Variants in ADAMTS19 observed in about 807,000 individuals in gnomAD.
ADAMTS19 encodes A disintegrin and metalloproteinase with thrombospondin motifs 19.
A neutral mutation model predicts 153.3 loss-of-function variants in ADAMTS19; 93 were observed. The observed-to-expected ratio is 0.61, with a 90% CI of 0.51 to 0.72. ADAMTS19 has a LOEUF of 0.72. Among genes scored for constraint, ADAMTS19 ranks in the 30% least tolerant of loss-of-function variants. The pLI is 0.00. For synonymous variants in ADAMTS19, 600 were observed against 556.6 expected, an observed-to-expected ratio of 1.08 and a Z score of -1.10; for missense variants, 1,482 against 1,552.1, an observed-to-expected ratio of 0.95 and a Z score of 0.76.
intron 10 of ADAMTS19, among the ~76,000 whole-genome samples, chr5:129,639,997 T>C (rs1752721966): frequency 6.6e-6 from 1 of 152,196 alleles, no homozygotes; most frequent in Non-Finnish European, 1.5e-5. Context: ...CAATATGATT[T>C]ATAGGCATTC....
chr5:129,571,528 G>T (rs765407095), intron 7 of ADAMTS19, among the ~76,000 whole-genome samples: 3 of 151,552 alleles, frequency 2.0e-5, no homozygotes, highest in African/African-American at 4.8e-5. Context: ...AGCAATAAAA[G>T]ATCTAAATAA....
intron 8 of ADAMTS19, among the ~76,000 whole-genome samples, chr5:129,615,702 G>T (rs1304806493): frequency 6.6e-6 from 1 of 151,916 alleles, no homozygotes; most frequent in East Asian, 1.9e-4. Flanking sequence ...GGACAATCAG[G>T]CAGACAGTAC....
chr5:129,575,198 T>C (rs888236760), intron 7 of ADAMTS19, among the ~76,000 whole-genome samples: 6 of 152,042 alleles, frequency 3.9e-5, no homozygotes, highest in African/African-American at 1.4e-4. Flanking sequence ...TGTAAAAATA[T>C]TGTGTCCAAC....
chr5:129,518,485 A>T (rs934264043), intron 3 of ADAMTS19, among the ~76,000 whole-genome samples: 4 of 151,360 alleles, frequency 2.6e-5, no homozygotes, highest in African/African-American at 4.9e-5. Flanking sequence ...TCAAGGGGAA[A>T]TTTTTTTTTA....
chr5:129,710,943 A>C (rs1450059586), intron 21 of ADAMTS19, among the ~76,000 whole-genome samples: 1 of 152,202 alleles, frequency 6.6e-6, no homozygotes, highest in African/African-American at 2.4e-5. Context: ...CAAAAATTTT[A>C]AAGGGGGATT....
chr5:129,684,204 A>G lies in ADAMTS19; in HGVS notation c.2749A>G (p.Lys917Glu). 1 of 1,614,212 alleles carries G rather than the reference A, an allele frequency of 6.2e-7. No homozygotes were observed. Among genetic ancestry groups the G allele is most frequent in the Non-Finnish European group, 8.5e-7 (1 of 1,180,042 alleles). Reference sequence around the variant, plus strand: ...CCCTCTTCCAGAAAACCAGAGCTCTAAAGCACCTGAGCCCCTCTTCATGTG... The same window carrying G: ...CCCTCTTCCAGAAAACCAGAGCTCTGAAGCACCTGAGCCCCTCTTCATGTG... The part of the protein sequence containing the change: ...SDPLPENQSS[K>E]APEPLFMWTH... The change falls in exon 18 of 23, where the codon AAA becomes GAA. Residue 917 changes from lysine to glutamate, a missense_variant. Lys to Glu is a moderately conservative substitution (Grantham distance 56). Around this residue, in one of 2 missense-constraint regions of ADAMTS19, gnomAD observed 616 missense variants for 724.4 expected, o/e 0.85. Coordinates refer to ENST00000274487, the MANE Select transcript of ADAMTS19 (RefSeq NM_133638.6).
intron 14 of ADAMTS19, among the ~76,000 whole-genome samples, chr5:129,658,369 G>GAAAGAA (rs1478464484): frequency 2.0e-5 from 3 of 150,302 alleles, no homozygotes; most frequent in African/African-American, 7.4e-5. Context: ...AAGAAAGAAA[G>GAAAGAA]AGAGAGAGGA....
At chr5:129,594,542 C>A (rs1215795777) in intron 7 of ADAMTS19, among the ~76,000 whole-genome samples, 2 of 152,010 alleles carry the variant, frequency 1.3e-5, no homozygotes, top group Non-Finnish European at 2.9e-5. Context: ...ACTTTTAATA[C>A]CCTATTTAGA....
At chr5:129,507,054 T>G (rs1042830917) in intron 2 of ADAMTS19, among the ~76,000 whole-genome samples, 2 of 152,012 alleles carry the variant, frequency 1.3e-5, no homozygotes, top group Non-Finnish European at 2.9e-5. Flanking sequence ...TGTGATAGTG[T>G]GCAATTAAAT....
chr5:129,563,315 GATAGAATT>G (rs1161162851), intron 7 of ADAMTS19, among the ~76,000 whole-genome samples: 1 of 151,952 alleles, frequency 6.6e-6, no homozygotes, highest in African/African-American at 2.4e-5. Context: ...TACCTTTTAT[GATAGAATT>G]ATATTGTTTG....
chr5:129,551,573 A>C (rs1363770412), intron 6 of ADAMTS19, among the ~76,000 whole-genome samples: 4 of 151,728 alleles, frequency 2.6e-5, no homozygotes, highest in Non-Finnish European at 5.9e-5. Flanking sequence ...TTTTGTAATA[A>C]AACAATAGAA....
intron 21 of ADAMTS19, among the ~76,000 whole-genome samples, chr5:129,712,756 A>G (rs1756539362): frequency 6.6e-6 from 1 of 152,180 alleles, no homozygotes; most frequent in Non-Finnish European, 1.5e-5. Context: ...CTTAAGGACA[A>G]TGAGGCACAT....
chr5:129,486,855 A>G (rs980351181), intron 2 of ADAMTS19, among the ~76,000 whole-genome samples: 1 of 152,222 alleles, frequency 6.6e-6, no homozygotes, highest in South Asian at 2.1e-4. Context: ...GATCATGTAC[A>G]TAGAAAATAT....
intron 19 of ADAMTS19, among the ~76,000 whole-genome samples, chr5:129,700,026 G>A (rs1403237392): frequency 1.3e-5 from 2 of 152,144 alleles, no homozygotes; most frequent in African/African-American, 4.8e-5. Flanking sequence ...GCTCTATATT[G>A]TGCTGAAATA....
chr5:129,716,645 A>C, intron 21 of ADAMTS19, among the ~76,000 whole-genome samples: 1 of 146,250 alleles, frequency 6.8e-6, no homozygotes, highest in African/African-American at 2.5e-5. Context: ...TATCCTTGGC[A>C]CTTCTTCCTC....
intron 18 of ADAMTS19, among the ~76,000 whole-genome samples, chr5:129,689,569 CA>C (rs1447895291): frequency 3.9e-5 from 6 of 152,042 alleles, no homozygotes; most frequent in African/African-American, 1.4e-4. Context: ...GGATTACAGG[CA>C]CACACCACCA....
chr5:129,660,953 C>A (rs868684084), intron 15 of ADAMTS19, among the ~76,000 whole-genome samples: 2 of 152,164 alleles, frequency 1.3e-5, no homozygotes, highest in Non-Finnish European at 2.9e-5. Context: ...ACCATACCCC[C>A]ACTGCCACCC....
intron 8 of ADAMTS19, among the ~76,000 whole-genome samples, chr5:129,598,915 A>G (rs1160974612): frequency 6.6e-6 from 1 of 152,126 alleles, no homozygotes. Flanking sequence ...AAATTTAGCA[A>G]CCTGCAAACA....
intron 2 of ADAMTS19, among the ~76,000 whole-genome samples, chr5:129,495,937 T>C (rs1750914078): frequency 6.6e-6 from 1 of 152,060 alleles, no homozygotes; most frequent in Non-Finnish European, 1.5e-5. Flanking sequence ...GCCTCTGTTC[T>C]CACTGGTGGG....
Sources: gnomAD v4.1 joint callset for allele counts (sites outside exome capture counted in the v4.1 genomes callset) on GRCh38, gnomAD v4.1.1 for gene constraint, gnomAD v4.1.1 regional missense constraint, MANE v1.5 for transcripts, NCBI Gene and HGNC (gene_info 2026-07-23, HGNC 2026-07-21) for gene names.